The following ABCC11 variants were observed in gnomAD, a reference collection of about 807,000 sequenced individuals.
The protein encoded by ABCC11 is ATP binding cassette subfamily C member 11.
In ABCC11, 135 loss-of-function variants were observed where a neutral mutation model predicts 149.3. The ratio of observed to expected loss-of-function variants is 0.90; its 90% confidence interval spans 0.79 to 1.04. The LOEUF (loss-of-function observed/expected upper bound fraction) is 1.04, where lower values mean the gene tolerates loss of function less well. ABCC11 is among the 50% of genes least tolerant of loss of function. The pLI, the probability that ABCC11 is intolerant of heterozygous loss-of-function variation, is 0.00. For missense variants in ABCC11, 1,680 were observed against 1,722.1 expected, an observed-to-expected ratio of 0.98 and a Z score of 0.43; for synonymous variants, 665 against 671.4, an observed-to-expected ratio of 0.99 and a Z score of 0.15.
Position 48,192,620 on chromosome 16 carries a change from T to C in ABCC11, c.2606A>G (p.Asn869Ser), listed in dbSNP as rs752766989. The C allele has an allele frequency of 2.5e-6, 4 of 1,613,972 alleles. No homozygotes were observed. ...CCCCACACAGATGAGGAGCAGGGCG[T>C]TGAGCCCGTACACCAGCTGGTAGAA... ...LSFYQLVYGL[N>S]ALLLICVGVC... Residue 869 changes from asparagine (N) to serine (S), a missense_variant, in exon 20 of 30, where the codon AAC (asparagine) becomes AGC (serine). Coordinates refer to ENST00000356608, the MANE Select transcript of ABCC11 (RefSeq NM_001370497.1).
chr16:48,192,165 C>G (rs934271127), intron 20 of ABCC11, among the ~76,000 whole-genome samples: 1 of 151,780 alleles, frequency 6.6e-6, no homozygotes, highest in African/African-American at 2.4e-5. Flanking sequence ...AAAAATAGGC[C>G]GGGGGTGGTG....
Position 48,202,940 on chromosome 16 carries a change from G to A in ABCC11, c.1878+288C>T, listed in dbSNP as rs111542816. Reference sequence around the variant, plus strand: ...CGGAGTGGGGCAAGGGCGATGCAGCGTTTCTCATCTTGACAGGGTCTCCGC... The same window carrying A: ...CGGAGTGGGGCAAGGGCGATGCAGCATTTCTCATCTTGACAGGGTCTCCGC... On this transcript the variant is annotated intron_variant, in intron 14 of 29. Transcript: ENST00000356608. Among the ~76,000 whole-genome samples, 13 of 152,300 alleles carry A rather than the reference G, an allele frequency of 8.5e-5. No homozygotes were observed. In the East Asian group the frequency reaches 9.7e-4, roughly 11 times the overall value.
chr16:48,216,326 C>T (rs1474707984), intron 6 of ABCC11, 39 bp from the exon 7 acceptor site: 1 of 1,594,154 alleles, frequency 6.3e-7, no homozygotes, highest in South Asian at 1.1e-5. Flanking sequence ...ATGTCACCTC[C>T]CTGGGTACAC....
chr16:48,202,822 T>G (rs984911816), intron 14 of ABCC11, among the ~76,000 whole-genome samples: 15 of 152,226 alleles, frequency 9.9e-5, no homozygotes, highest in African/African-American at 3.4e-4. Context: ...CGTATGTGTA[T>G]TAAGGTGGCT....
Position 48,230,550 on chromosome 16 carries a change from G to A in ABCC11, c.123C>T (p.Gly41=), listed in dbSNP as rs867402175. 3.1e-6 allele frequency: 5 copies of A among 1,610,108 alleles called. No homozygotes were observed. Among genetic ancestry groups the A allele is most frequent in the Non-Finnish European group, 3.4e-6 (4 of 1,178,212 alleles). Residue 41 remains glycine (G), a synonymous_variant, in exon 3 of 30, where the codon GGC becomes GGT. Transcript: ENST00000356608. ...GATTTCTCTCTTGCTGACTCCAGGG[G>A]CCATCTTGGAGAGTATAGGTTTTCT... ...LIYKTYTLQD[G]PWSQQERNPE...
intron 25 of ABCC11, 72 bp from the exon 26 acceptor site, chr16:48,175,489 C>T (rs933613196): frequency 5.2e-5 from 79 of 1,513,814 alleles, no homozygotes; most frequent in Non-Finnish European, 6.4e-5. Flanking sequence ...TCGCACCTGG[C>T]GATCACACCT....
intron 12 of ABCC11, 85 bp downstream of exon 12, chr16:48,208,340 G>T: frequency 6.7e-7 from 1 of 1,496,136 alleles, no homozygotes. Flanking sequence ...GAAGAAAGCA[G>T]TGGGGGGCCC....
intron 6 of ABCC11, among the ~76,000 whole-genome samples, chr16:48,219,255 T>G (rs59567903): frequency 0.026 from 3,993 of 151,472 alleles, 176 homozygotes; most frequent in African/African-American, 0.092. Flanking sequence ...CTGCAACCTA[T>G]GCCTTCTGGG....
At chr16:48,173,122 T>C (rs989856881) in intron 26 of ABCC11, among the ~76,000 whole-genome samples, 2 of 152,244 alleles carry the variant, frequency 1.3e-5, no homozygotes, top group Non-Finnish European at 2.9e-5. Flanking sequence ...GGTATACTCC[T>C]TTCTTATCAG....
chr16:48,200,628 G>T, intron 14 of ABCC11, 149 bp from the exon 15 acceptor site: 1 of 807,040 alleles, frequency 1.2e-6, no homozygotes, highest in Non-Finnish European at 1.9e-6. Flanking sequence ...TGGCATTCTG[G>T]ACTTAAAAAT....
At position 48,187,332 on chromosome 16, in the gene ABCC11, C is replaced by A. The variant is rs1246235678; in HGVS notation, c.2802G>T (p.Leu934Phe). Residue 934 changes from leucine to phenylalanine, a missense_variant, in exon 21 of 30, where the codon TTG becomes TTT. Leu to Phe is a conservative substitution (Grantham distance 22). Transcript: ENST00000356608. ...AGDLEQLDQL[L>F]PIFSEQFLVL... ...CCAGGAACTGCTCTGAAAAGATGGG[C>A]AAGAGCTGGTCCAGCTGTTCCAAGT... 6.2e-7 allele frequency: 1 copy of A among 1,614,200 alleles called. No homozygotes were observed. Among genetic ancestry groups the A allele is most frequent in the Admixed American group, 1.7e-5 (1 of 60,024 alleles).
In ABCC11 at chr16:48,187,295, T is replaced by A. The variant is rs1966806128; in HGVS notation, c.2839A>T (p.Met947Leu). The change falls in exon 21 of 30, where the codon ATG (methionine) becomes TTG (leucine). Residue 947 changes from methionine (M) to leucine (L), a missense_variant. Transcript: ENST00000356608. ...ACAATCAACAGGACGGCGATCACCA[T>A]TAAGGACAGGACCAGGAACTGCTCT... ...FSEQFLVLSLMVIAVLLIVSV... is the reference protein window; with the variant it reads ...FSEQFLVLSLLVIAVLLIVSV... 1 of 1,614,148 alleles carries A rather than the reference T, an allele frequency of 6.2e-7. No individual in the cohort carries two copies. The highest frequency in any genetic ancestry group is 8.5e-7 in the Non-Finnish European group (1 of 1,180,020).
intron 22 of ABCC11, among the ~76,000 whole-genome samples, chr16:48,185,140 G>A (rs1351780308): frequency 1.3e-5 from 2 of 152,226 alleles, no homozygotes; most frequent in East Asian, 3.9e-4. Flanking sequence ...TCTGGATTAA[G>A]CCTCACTTTA....
At chr16:48,234,932 T>G (rs552118280) in intron 1 of ABCC11, among the ~76,000 whole-genome samples, 2 of 149,500 alleles carry the variant, frequency 1.3e-5, no homozygotes, top group South Asian at 2.1e-4. Context: ...GGTTCCTGAT[T>G]CTTTCTCTGC....
intron 1 of ABCC11, chr16:48,244,342 GT>G: frequency 7.2e-7 from 1 of 1,391,456 alleles, no homozygotes; most frequent in South Asian, 1.4e-5. Context: ...GGGGGCAGCT[GT>G]CTGTCTGGCT....
chr16:48,203,552 C>A (rs1470808284), intron 13 of ABCC11, among the ~76,000 whole-genome samples: 1 of 152,034 alleles, frequency 6.6e-6, no homozygotes, highest in Non-Finnish European at 1.5e-5. Flanking sequence ...CCATCTTTGA[C>A]CTTCATTTGC....
Position 48,178,662 on chromosome 16 carries a change from C to T in ABCC11, c.3283G>A (p.Ala1095Thr), listed in dbSNP as rs778336662. The change falls in exon 24 of 30, where the codon GCC becomes ACC. Residue 1095 changes from alanine (A) to threonine (T), a missense_variant. Coordinates refer to ENST00000356608, the MANE Select transcript of ABCC11 (RefSeq NM_001370497.1). ...GCCTCTGTCTCCAAGCCAATCCGGG[C>T]AGTGGCCTGGAAGCTGGACGCCAGC... ...LQLASSFQAT[A>T]RIGLETEAQF... 6.2e-7 allele frequency: 1 copy of T among 1,614,158 alleles called. No individual in the cohort carries two copies. The highest frequency in any genetic ancestry group is 8.5e-7 in the Non-Finnish European group (1 of 1,180,032).
intron 18 of ABCC11, 46 bp downstream of exon 18, chr16:48,196,186 T>C (rs755821479): frequency 3.2e-6 from 5 of 1,584,770 alleles, no homozygotes; most frequent in South Asian, 1.1e-5. Flanking sequence ...GTTCCAGGGA[T>C]AGGGCTGCTC....
At chr16:48,222,081 A>ATTT (rs113762005) in intron 6 of ABCC11, among the ~76,000 whole-genome samples, 2 of 137,922 alleles carry the variant, frequency 1.5e-5, no homozygotes, top group Non-Finnish European at 3.1e-5. Flanking sequence ...AGCCCAGCTA[A>ATTT]TTTTTTTTTT....
Sources: allele counts gnomAD v4.1 joint callset (sites outside exome capture counted in the v4.1 genomes callset), GRCh38; gene constraint gnomAD v4.1.1; transcripts MANE v1.5; gene names NCBI Gene and HGNC (gene_info 2026-07-23, HGNC 2026-07-21).